ROBO1: variants seen among roughly 807,000 people sequenced by gnomAD.
ROBO1 encodes roundabout guidance receptor 1, also known as roundabout homolog 1.
A neutral mutation model predicts 195.9 loss-of-function variants in ROBO1; 149 were observed. That is an observed-to-expected ratio of 0.76 (90% CI 0.67 to 0.87). The LOEUF is 0.87. Among genes scored for constraint, ROBO1 ranks in the 40% least tolerant of loss-of-function variants. The probability of loss-of-function intolerance (pLI) is 0.00; values close to 1 mark genes in which losing one functional copy is unlikely to be tolerated. For missense variants in ROBO1, 1,933 were observed against 2,068.3 expected, an observed-to-expected ratio of 0.93 and a Z score of 1.27; for synonymous variants, 816 against 733.2, an observed-to-expected ratio of 1.11 and a Z score of -1.82.
At chr3:79,154,505 G>A (rs1485147062) in intron 2 of ROBO1, among the ~76,000 whole-genome samples, 1 of 151,680 alleles carries the variant, frequency 6.6e-6, no homozygotes, top group East Asian at 1.9e-4. Context: ...ACTGATCAAA[G>A]TCTAAAGTAT....
chr3:78,958,819 CT>C (rs753439088), intron 3 of ROBO1, among the ~76,000 whole-genome samples: 17,470 of 130,558 alleles, frequency 0.13, 1,580 homozygotes, highest in African/African-American at 0.28. Flanking sequence ...CTTTCTTCTT[CT>C]TTTTTTTTTT....
intron 2 of ROBO1, among the ~76,000 whole-genome samples, chr3:79,305,992 C>G (rs1296361590): frequency 6.6e-6 from 1 of 152,052 alleles, no homozygotes; most frequent in Non-Finnish European, 1.5e-5. Flanking sequence ...AGCATTTAAT[C>G]TCCAAAAGGC....
intron 8 of ROBO1, among the ~76,000 whole-genome samples, chr3:78,691,226 C>T (rs1335711667): frequency 6.6e-6 from 1 of 152,074 alleles, no homozygotes; most frequent in Admixed American, 6.5e-5. Flanking sequence ...GAACACCATT[C>T]ATTAAATGTG....
At chr3:79,202,662 C>G (rs752800637) in intron 2 of ROBO1, among the ~76,000 whole-genome samples, 1 of 151,036 alleles carries the variant, frequency 6.6e-6, no homozygotes, top group Non-Finnish European at 1.5e-5. Context: ...ATCCAAGCTA[C>G]AGGTACCAGC....
chr3:79,341,462 T>C (rs2034901529), intron 2 of ROBO1, among the ~76,000 whole-genome samples: 2 of 152,108 alleles, frequency 1.3e-5, no homozygotes, highest in Admixed American at 1.3e-4. Flanking sequence ...GCAGTTCCTA[T>C]CTTTTTTCTA....
intron 7 of ROBO1, among the ~76,000 whole-genome samples, chr3:78,716,802 G>A (rs902283162): frequency 6.6e-6 from 1 of 152,076 alleles, no homozygotes; most frequent in Non-Finnish European, 1.5e-5. Flanking sequence ...CCTGATTCGT[G>A]CATCTCTGCT....
At chr3:79,352,354 C>G (rs1174000654) in intron 2 of ROBO1, among the ~76,000 whole-genome samples, 1 of 152,150 alleles carries the variant, frequency 6.6e-6, no homozygotes, top group Non-Finnish European at 1.5e-5. Context: ...TGAGGACTCA[C>G]AAGAGGTTAC....
chr3:78,674,670 T>C (rs185722618), intron 10 of ROBO1, among the ~76,000 whole-genome samples: 431 of 152,332 alleles, frequency 2.8e-3, no homozygotes, highest in African/African-American at 9.9e-3. Flanking sequence ...TTTTGTTTTT[T>C]ATAGTTTAAT....
At chr3:78,851,862 C>A (rs1480689) in intron 4 of ROBO1, among the ~76,000 whole-genome samples, 10,707 of 151,852 alleles carry the variant, frequency 0.071, 544 homozygotes, top group Admixed American at 0.13. Context: ...TAATTCTCTT[C>A]ATTTAATCCA....
intron 2 of ROBO1, among the ~76,000 whole-genome samples, chr3:79,261,698 T>G (rs1428538247): frequency 2.0e-5 from 3 of 152,052 alleles, no homozygotes; most frequent in Non-Finnish European, 4.4e-5. Context: ...ATTTTTTAAT[T>G]TACTTGCCAA....
At chr3:79,257,800 G>A (rs530202976) in intron 2 of ROBO1, among the ~76,000 whole-genome samples, 46 of 152,070 alleles carry the variant, frequency 3.0e-4, no homozygotes, top group African/African-American at 1.1e-3. Flanking sequence ...TAATACACTC[G>A]AATGTTTCTT....
At chr3:79,766,363 A>C (rs1335359753) in intron 1 of ROBO1, among the ~76,000 whole-genome samples, 2 of 150,926 alleles carry the variant, frequency 1.3e-5, no homozygotes, top group Non-Finnish European at 3.0e-5. Context: ...GGTGCACACT[A>C]AGGATATTTG....
intron 8 of ROBO1, among the ~76,000 whole-genome samples, chr3:78,708,317 A>G (rs1402026956): frequency 6.6e-6 from 1 of 152,200 alleles, no homozygotes; most frequent in Non-Finnish European, 1.5e-5. Context: ...AAAGCCACCA[A>G]GATGATTGTC....
At chr3:79,313,833 A>G (rs758919846) in intron 2 of ROBO1, among the ~76,000 whole-genome samples, 5 of 152,210 alleles carry the variant, frequency 3.3e-5, no homozygotes, top group Admixed American at 6.5e-5. Context: ...CTTTTATGCT[A>G]TATCATCTGA....
At chr3:78,711,350 C>CCTTCCTTT (rs2081700362) in intron 8 of ROBO1, among the ~76,000 whole-genome samples, 1 of 46,864 alleles carries the variant, frequency 2.1e-5, no homozygotes, top group Non-Finnish European at 3.5e-5. Context: ...CTTCCTTCCT[C>CCTTCCTTT]CTTCCTTCCT....
At chr3:79,048,870 C>A (rs1399553909) in intron 3 of ROBO1, among the ~76,000 whole-genome samples, 1 of 152,078 alleles carries the variant, frequency 6.6e-6, no homozygotes, top group Non-Finnish European at 1.5e-5. Flanking sequence ...AAACAGACAT[C>A]CACACCAAAA....
At chr3:79,518,541 C>T (rs1261534144) in intron 2 of ROBO1, among the ~76,000 whole-genome samples, 2 of 152,074 alleles carry the variant, frequency 1.3e-5, no homozygotes, top group African/African-American at 4.8e-5. Context: ...CGTGAAACAA[C>T]AGTAAGTTAG....
intron 2 of ROBO1, among the ~76,000 whole-genome samples, chr3:79,568,508 A>T (rs1395749699): frequency 4.7e-5 from 7 of 148,108 alleles, no homozygotes; most frequent in African/African-American, 1.7e-4. Flanking sequence ...GATTGATTGA[A>T]TTTTTTTCTT....
At chr3:79,242,210 T>A (rs1404540783) in intron 2 of ROBO1, among the ~76,000 whole-genome samples, 2 of 151,938 alleles carry the variant, frequency 1.3e-5, no homozygotes, top group Non-Finnish European at 2.9e-5. Flanking sequence ...AAAAGGAGCC[T>A]GTGTCTCTGA....
Sources: allele counts gnomAD v4.1 joint callset (sites outside exome capture counted in the v4.1 genomes callset), GRCh38; gene constraint gnomAD v4.1.1; transcripts MANE v1.5; gene names NCBI Gene and HGNC (gene_info 2026-07-23, HGNC 2026-07-21).